AFG1L: variants seen among roughly 807,000 people sequenced by gnomAD.
AFG1L encodes the protein AFG1 like ATPase, also known as AFG1-like ATPase.
AFG1L carries 53 observed loss-of-function variants against 62.2 expected under a neutral mutation model. That is an observed-to-expected ratio of 0.85 (90% CI 0.68 to 1.07). The LOEUF is 1.07. AFG1L is among the 50% of genes least tolerant of loss of function. AFG1L has a pLI of 0.00. For missense variants in AFG1L, 555 were observed against 590.5 expected (o/e 0.94, Z 0.62); for synonymous variants, 228 against 210.3 (o/e 1.08, Z -0.73).
intron 7 of AFG1L, among the ~76,000 whole-genome samples, chr6:108,410,859 T>C (rs1051017782): frequency 6.6e-6 from 1 of 152,122 alleles, no homozygotes; most frequent in Admixed American, 6.6e-5. Context: ...GCTCCCAGTG[T>C]AAGCAATGCA....
At position 108,325,674 on chromosome 6, in the gene AFG1L, T is replaced by C. The variant is rs1189684522; in HGVS notation, c.363+1626T>C. Among the ~76,000 whole-genome samples the C allele has an allele frequency of 2.0e-5, 3 of 152,076 alleles. No individual in the cohort carries two copies. The East Asian group carries it at 5.8e-4, about 29-fold the overall frequency. On this transcript the variant is annotated intron_variant, in intron 2 of 12. Transcript: ENST00000368977. ...CTAATTTTTGTGCTTTTAGTAGAGA[T>C]GGGGTTTCACCATGTTTGTCAGGCT...
At chr6:108,412,283 A>G (rs1432522551) in intron 7 of AFG1L, among the ~76,000 whole-genome samples, 4 of 152,208 alleles carry the variant, frequency 2.6e-5, no homozygotes, top group African/African-American at 9.7e-5. Flanking sequence ...CCAAATCTAC[A>G]TCTGATTGGT....
At chr6:108,375,125 G>C (rs1464053961) in intron 6 of AFG1L, among the ~76,000 whole-genome samples, 1 of 152,104 alleles carries the variant, frequency 6.6e-6, no homozygotes, top group Non-Finnish European at 1.5e-5. Flanking sequence ...TTGGCTCTCA[G>C]TTTGAATGTT....
chr6:108,480,167 T>C (rs1773272192), intron 10 of AFG1L, among the ~76,000 whole-genome samples: 1 of 151,952 alleles, frequency 6.6e-6, no homozygotes, highest in Non-Finnish European at 1.5e-5. Context: ...CTGGATTCTC[T>C]TTCTTCGTAA....
chr6:108,374,757 G>A (rs1216914033), intron 6 of AFG1L, among the ~76,000 whole-genome samples: 1 of 152,130 alleles, frequency 6.6e-6, no homozygotes, highest in Non-Finnish European at 1.5e-5. Flanking sequence ...TTTGAAGTTG[G>A]TTAATGTGAT....
At chr6:108,302,670 C>T (rs1037662363) in intron 1 of AFG1L, among the ~76,000 whole-genome samples, 3 of 152,104 alleles carry the variant, frequency 2.0e-5, no homozygotes, top group African/African-American at 4.8e-5. Context: ...CTTTTATTGG[C>T]GCTATAAGTC....
intron 6 of AFG1L, among the ~76,000 whole-genome samples, chr6:108,375,608 T>G (rs779077194): frequency 6.6e-6 from 1 of 152,228 alleles, no homozygotes; most frequent in Non-Finnish European, 1.5e-5. Context: ...TTTAATTCTG[T>G]CTATGTGGTG....
At chr6:108,437,468 A>T (rs1297043859) in intron 7 of AFG1L, among the ~76,000 whole-genome samples, 2 of 152,168 alleles carry the variant, frequency 1.3e-5, no homozygotes, top group Non-Finnish European at 2.9e-5. Flanking sequence ...ATTAAGAGGC[A>T]GTCCCACTGT....
intron 10 of AFG1L, among the ~76,000 whole-genome samples, chr6:108,494,171 C>T (rs765502308): frequency 6.6e-6 from 1 of 151,944 alleles, no homozygotes; most frequent in African/African-American, 2.4e-5. Context: ...TTTCCATCCC[C>T]GCTCCCCCTG....
chr6:108,450,258 C>A (rs1771996120), intron 8 of AFG1L, among the ~76,000 whole-genome samples: 1 of 152,232 alleles, frequency 6.6e-6, no homozygotes. Context: ...TCCTCTCCAG[C>A]ACCTGTTGTT....
chr6:108,405,521 A>G (rs1354533458), intron 7 of AFG1L, among the ~76,000 whole-genome samples: 1 of 151,902 alleles, frequency 6.6e-6, no homozygotes, highest in Non-Finnish European at 1.5e-5. Context: ...TAATTTTTGT[A>G]TTTTTTGTAG....
intron 2 of AFG1L, among the ~76,000 whole-genome samples, chr6:108,345,452 C>T (rs551535711): frequency 5.3e-5 from 8 of 151,940 alleles, no homozygotes; most frequent in Middle Eastern, 3.4e-3. Flanking sequence ...CTCCACCTCC[C>T]GGGCTCAAGC....
intron 8 of AFG1L, among the ~76,000 whole-genome samples, chr6:108,465,878 A>G (rs1244462506): frequency 2.0e-5 from 3 of 152,018 alleles, no homozygotes; most frequent in Non-Finnish European, 4.4e-5. Context: ...TATGTTTAAC[A>G]CTTTAAAACA....
chr6:108,402,102 T>C (rs747370518), intron 7 of AFG1L, 48 bp downstream of exon 7: 5 of 913,456 alleles, frequency 5.5e-6, no homozygotes, highest in Middle Eastern at 2.2e-4. Context: ...TACTTATTGA[T>C]AATCAAGGGC....
chr6:108,459,824 C>T (rs367733854), intron 8 of AFG1L, among the ~76,000 whole-genome samples: 3 of 151,960 alleles, frequency 2.0e-5, no homozygotes, highest in African/African-American at 7.3e-5. Context: ...TATCCATTTA[C>T]AGGAAATATA....
intron 11 of AFG1L, among the ~76,000 whole-genome samples, chr6:108,518,832 T>A (rs894669247): frequency 2.0e-5 from 3 of 152,216 alleles, no homozygotes; most frequent in African/African-American, 7.2e-5. Flanking sequence ...AAATGTAGGT[T>A]CTGGACACTC....
intron 7 of AFG1L, among the ~76,000 whole-genome samples, chr6:108,415,898 A>G (rs1206527538): frequency 6.6e-5 from 10 of 152,222 alleles, no homozygotes; most frequent in Non-Finnish European, 1.3e-4. Context: ...AGCAATGGCA[A>G]CAGAAGCCAA....
intron 6 of AFG1L, among the ~76,000 whole-genome samples, chr6:108,392,877 T>G (rs1359494712): frequency 1.3e-5 from 2 of 152,136 alleles, no homozygotes; most frequent in African/African-American, 4.8e-5. Flanking sequence ...AAATAAGCAT[T>G]ATTCAGCTTC....
chr6:108,451,622 A>G (rs1772057850), intron 8 of AFG1L, among the ~76,000 whole-genome samples: 1 of 152,232 alleles, frequency 6.6e-6, no homozygotes, highest in Admixed American at 6.5e-5. Context: ...ACTTTTGCAT[A>G]GATTAAAACA....
Sources: allele counts gnomAD v4.1 joint callset (sites outside exome capture counted in the v4.1 genomes callset), GRCh38; gene constraint gnomAD v4.1.1; transcripts MANE v1.5; gene names NCBI Gene and HGNC (gene_info 2026-07-23, HGNC 2026-07-21).